SLC26A1: variants seen among roughly 807,000 people sequenced by gnomAD.
SLC26A1 encodes the protein sulfate anion transporter 1.
Under a neutral mutation model 14.5 loss-of-function variants are expected in SLC26A1, and 18 were observed. That is an observed-to-expected ratio of 1.24 (90% CI 0.86 to 1.84). The LOEUF is 1.84. Ranked by LOEUF, SLC26A1 falls within the 40% of genes most tolerant of loss-of-function variation. The probability of loss-of-function intolerance (pLI) is 0.00; values close to 1 mark genes in which losing one functional copy is unlikely to be tolerated. For synonymous variants in SLC26A1, 505 were observed against 492.0 expected, an observed-to-expected ratio of 1.03 and a Z score of -0.35; for missense variants, 1,049 against 1,020.0, an observed-to-expected ratio of 1.03 and a Z score of -0.39.
chr4:990,609 G>A (rs892830619), intron 2 of SLC26A1: 3 of 551,894 alleles, frequency 5.4e-6, no homozygotes, highest in East Asian at 3.0e-5. Flanking sequence ...CCATAGACAC[G>A]TCTAACCCTT....
chr4:991,580 TGCAC>T lies in SLC26A1; in HGVS notation c.120_123del (p.Cys41ValfsTer145), dbSNP rs1714339629. 1.2e-6 allele frequency: 2 copies of T among 1,600,346 alleles called. No individual in the cohort carries two copies. Among genetic ancestry groups the T allele is most frequent in the Admixed American group, 3.3e-5 (2 of 59,714 alleles). ...ACCAGCGCCCGGACGCACAGCACAC[TGCAC>T]GAGCAGCTGCACCACAGCCTGGCCT... On this transcript the variant is annotated frameshift_variant, in exon 2 of 3. Coordinates refer to ENST00000398516, the MANE Select transcript of SLC26A1 (RefSeq NM_022042.4). LOFTEE classifies it high-confidence loss of function.
Position 989,436 on chromosome 4 carries a change from C to T in SLC26A1, c.1503G>A (p.Leu501=). The T allele has an allele frequency of 6.4e-7, 1 of 1,554,254 alleles. No homozygotes were observed. The highest frequency in any genetic ancestry group is 8.7e-7 in the Non-Finnish European group (1 of 1,149,226). Residue 501 remains leucine (L), a synonymous_variant, in exon 3 of 3, where the codon CTG becomes CTA. Coordinates refer to ENST00000398516, the MANE Select transcript of SLC26A1 (RefSeq NM_022042.4). ...TGCGTGGGCGTTGGGTGCGGCCGGC[C>T]AGGCTGAGCAGCGAGAGGATGACGC... ...LAGVILSLLS[L]AGRTQRPRTA...
chr4:979,334 A>G (rs1038302575), exon 3 of SLC26A1: 1 of 907,092 alleles, frequency 1.1e-6, no homozygotes. Context: ...AGCTGTATCC[A>G]CCGGCTTCTC....
chr4:990,819 TG>T, intron 2 of SLC26A1: 1 of 415,926 alleles, frequency 2.4e-6, no homozygotes, highest in Non-Finnish European at 4.3e-6. Context: ...ACAGAAGGCC[TG>T]GGAGGCCACA....
chr4:990,571 C>T (rs796695277), intron 2 of SLC26A1: 37 of 596,052 alleles, frequency 6.2e-5, no homozygotes, highest in African/African-American at 4.5e-4. Flanking sequence ...GTGACATCCA[C>T]GTGAGCATCA....
chr4:991,654 A>G lies in SLC26A1; in HGVS notation c.50T>C (p.Val17Ala), dbSNP rs1362980163. Residue 17 changes from valine (V) to alanine (A), a missense_variant, in exon 2 of 3, where the codon GTC (valine) becomes GCC (alanine). Physicochemically the swap from Val to Ala is moderately conservative, Grantham distance 64 (BLOSUM62 0). Coordinates refer to ENST00000398516, the MANE Select transcript of SLC26A1 (RefSeq NM_022042.4). ...CCGGGGTGCTGGGCGCTGCCGTCGGACCGGCACCGGCCCTCTGCCCTGCTG... is the reference window on the plus strand; with the variant it reads ...CCGGGGTGCTGGGCGCTGCCGTCGGGCCGGCACCGGCCCTCTGCCCTGCTG... ...PLQQGRGPVP[V>A]RRQRPAPRGL... 1 of 1,548,372 alleles carries G rather than the reference A, an allele frequency of 6.5e-7. No homozygotes were observed. Among genetic ancestry groups the G allele is most frequent in the South Asian group, 1.2e-5 (1 of 82,254 alleles).
chr4:990,248 G>A lies in SLC26A1; in HGVS notation c.691C>T (p.Leu231=), dbSNP rs994121317. The A allele has an allele frequency of 1.3e-6, 2 of 1,587,000 alleles. No individual in the cohort carries two copies. Among genetic ancestry groups the A allele is most frequent in the African/African-American group, 1.3e-5 (1 of 74,856 alleles). ...VTILTSQLKH[L]LGVRIPRHQG... is the part of the protein sequence containing the mutation. ...TGCCGCGGGATCCGCACGCCCAGCAGGTGTTTGAGCTGCGAGGTCAGGATG... is the reference window on the plus strand; with the variant it reads ...TGCCGCGGGATCCGCACGCCCAGCAAGTGTTTGAGCTGCGAGGTCAGGATG... The change falls in exon 3 of 3, where the codon CTG becomes TTG. Residue 231 remains leucine (L), a synonymous_variant. Coordinates refer to ENST00000398516, the MANE Select transcript of SLC26A1 (RefSeq NM_022042.4).
chr4:980,024 C>T (rs1042270487), intron 2 of SLC26A1, among the ~76,000 whole-genome samples: 5 of 152,320 alleles, frequency 3.3e-5, no homozygotes, highest in Admixed American at 1.3e-4. Context: ...CACAGGGCCA[C>T]GGAGTGGAGG....
rs1378463608 is a variant in SLC26A1 at position 990,038 on chromosome 4, C to T, written c.901G>A (p.Val301Met). The T allele has an allele frequency of 1.3e-6, 2 of 1,597,974 alleles. No homozygotes were observed. The highest frequency in any genetic ancestry group is 1.1e-5 in the South Asian group (1 of 88,748). The change falls in exon 3 of 3, where the codon GTG becomes ATG. Residue 301 changes from valine to methionine, a missense_variant. Transcript: ENST00000398516. The stretch of plus-strand genomic sequence containing the variant: ...CCGAAGTGCGACACGAGTGTGGCCA[C>T]CACGATGACCAGCAGCTCCGTGGGC... ...PLPTELLVIV[V>M]ATLVSHFGQL...
At chr4:990,509 CTCACACGG>C in intron 2 of SLC26A1, 147 bp from the exon 3 acceptor site, 1 of 759,370 alleles carries the variant, frequency 1.3e-6, no homozygotes, top group African/African-American at 1.8e-5. Flanking sequence ...AACCAGACTC[CTCACACGG>C]GCCTGAGTTC....
intron 2 of SLC26A1, among the ~76,000 whole-genome samples, chr4:981,210 C>T (rs966571000): frequency 9.9e-5 from 15 of 152,246 alleles, no homozygotes; most frequent in Non-Finnish European, 1.6e-4. Flanking sequence ...TTCAGAGGCG[C>T]GGGCCCACGT....
rs1005821494 is a variant in SLC26A1, at chr4:989,425, G to A, written c.1514C>T (p.Thr505Ile). The change falls in exon 3 of 3, where the codon ACC becomes ATC. Residue 505 changes from threonine to isoleucine, a missense_variant. Thr to Ile is a moderately conservative substitution (Grantham distance 89). Coordinates refer to ENST00000398516, the MANE Select transcript of SLC26A1 (RefSeq NM_022042.4). ...ILSLLSLAGR[T>I]QRPRTALLAR... The stretch of plus-strand genomic sequence containing the variant: ...CAGCAGGGCGGTGCGTGGGCGTTGG[G>A]TGCGGCCGGCCAGGCTGAGCAGCGA... The A allele has an allele frequency of 1.3e-6, 2 of 1,555,424 alleles. No homozygotes were observed. The highest frequency in any genetic ancestry group is 2.7e-5 in the African/African-American group (2 of 73,370).
At chr4:985,925 TTTTC>T (rs1372878170), downstream of SLC26A1, among the ~76,000 whole-genome samples, 1 of 151,628 alleles carries the variant, frequency 6.6e-6, no homozygotes, top group Admixed American at 6.5e-5. Flanking sequence ...TCTTTTTTTC[TTTTC>T]TTTTTTTAGA....
At chr4:984,006 G>A (rs891305594), downstream of SLC26A1, among the ~76,000 whole-genome samples, 1 of 152,136 alleles carries the variant, frequency 6.6e-6, no homozygotes, top group Non-Finnish European at 1.5e-5. Context: ...TGTATTTTTG[G>A]TAGAGACAGG....
At chr4:990,680 C>T (rs1166001840) in intron 2 of SLC26A1, 5 of 441,344 alleles carry the variant, frequency 1.1e-5, no homozygotes, top group Non-Finnish European at 4.1e-6. Context: ...AAGGCAACCC[C>T]TTCCTGCTGC....
In SLC26A1 at chr4:988,482, C is replaced by G; in HGVS notation, c.*351G>C. 1 of 1,123,008 alleles carries G rather than the reference C, an allele frequency of 8.9e-7. No homozygotes were observed. The allele number at this position is 1,123,008 out of a possible 1,614,324, so 69.6% of individuals were successfully genotyped here. A position where few individuals can be genotyped will look rare whatever the true frequency, so the allele number is the denominator to read the frequency against. ...TGGGCATAGGGAGTCCTCTTGGCAC[C>G]TTGGAGGCTGCATGATGGCGGGGGA... On this transcript the variant is annotated 3_prime_UTR_variant, in exon 3 of 3. Transcript: ENST00000398516.
downstream of SLC26A1, among the ~76,000 whole-genome samples, chr4:986,087 A>T (rs566813789): frequency 1.9e-3 from 279 of 149,796 alleles, no homozygotes; most frequent in African/African-American, 6.5e-3. Flanking sequence ...ATCTGGCTAA[A>T]TTTTTTTTTT....
chr4:984,403 GT>G (rs747152914), downstream of SLC26A1, among the ~76,000 whole-genome samples: 2 of 152,104 alleles, frequency 1.3e-5, no homozygotes, highest in Non-Finnish European at 2.9e-5. Context: ...TAAATTTATT[GT>G]TTTGCTTTAA....
rs916372360 is a variant in SLC26A1, at chr4:987,909, C to T, written c.*924G>A. 6.2e-7 allele frequency: 1 copy of T among 1,604,922 alleles called. No individual in the cohort carries two copies. The highest frequency in any genetic ancestry group is 8.5e-7 in the Non-Finnish European group (1 of 1,176,410). On this transcript the variant is annotated 3_prime_UTR_variant, in exon 3 of 3. Transcript: ENST00000398516. The stretch of plus-strand genomic sequence containing the variant: ...CGCCGTCCCTCACCGCGGCATCAAG[C>T]AGGTCCGGACCCACTGGCTGCTGGA...
Sources: allele counts gnomAD v4.1 joint callset (sites outside exome capture counted in the v4.1 genomes callset), GRCh38; gene constraint gnomAD v4.1.1; transcripts MANE v1.5; gene names NCBI Gene and HGNC (gene_info 2026-07-23, HGNC 2026-07-21).